The following S100A16 variants were observed in gnomAD, a reference collection of about 807,000 sequenced individuals.
S100A16 encodes the protein S100 calcium binding protein A16.
A neutral mutation model predicts 9.0 loss-of-function variants in S100A16; 8 were observed. The ratio of observed to expected loss-of-function variants is 0.89; its 90% confidence interval spans 0.52 to 1.60. The LOEUF (loss-of-function observed/expected upper bound fraction) is 1.60, where lower values mean the gene tolerates loss of function less well. Ranked by LOEUF, S100A16 falls within the 40% of genes most tolerant of loss-of-function variation. The pLI is 0.00. For synonymous variants in S100A16, 51 were observed against 51.4 expected (o/e 0.99, Z 0.04); for missense variants, 138 against 132.4 (o/e 1.04, Z -0.21).
intron 2 of S100A16, 63 bp downstream of exon 2, chr1:153,607,936 G>A (rs1180549209): frequency 4.5e-6 from 7 of 1,541,748 alleles, no homozygotes; most frequent in African/African-American, 4.1e-5. Context: ...ACCCTCAGAG[G>A]CCAGAGGCTT....
Position 153,607,516 on chromosome 1 carries a change from G to A in S100A16, c.*18C>T, listed in dbSNP as rs375239638. ...GGGGCATCAGGCCAGTGCCTGGAAG[G>A]TGTGGCCAAAGGGGTCTCTAGCTGC... On this transcript the variant is annotated 3_prime_UTR_variant, in exon 3 of 3. Transcript: ENST00000368706. 7.3e-5 allele frequency: 117 copies of A among 1,613,740 alleles called. No individual in the cohort carries two copies. Among genetic ancestry groups the A allele is most frequent in the Non-Finnish European group, 8.5e-6 (10 of 1,179,954 alleles).
chr1:153,607,968 G>T (rs1269064571), intron 2 of S100A16, 31 bp downstream of exon 2: 1 of 1,609,084 alleles, frequency 6.2e-7, no homozygotes, highest in Non-Finnish European at 8.5e-7. Context: ...AAGGGGAGAG[G>T]GAGGCAAGGC....
intron 2 of S100A16, 113 bp downstream of exon 2, chr1:153,607,886 C>A: frequency 8.0e-7 from 1 of 1,243,434 alleles, no homozygotes; most frequent in Non-Finnish European, 1.1e-6. Context: ...CTGGAGTTAG[C>A]GGGGACACTG....
chr1:153,606,905 T>G lies in S100A16; in HGVS notation c.*629A>C. 3 of 189,922 alleles carry G rather than the reference T, an allele frequency of 1.6e-5. No individual in the cohort carries two copies. Among genetic ancestry groups the G allele is most frequent in the Admixed American group, 1.1e-4 (2 of 18,408 alleles). The allele number at this position is 189,922 out of a possible 1,614,324, so 11.8% of individuals were successfully genotyped here. ...AAAACGTTTCCAAGGAGTGGGAAGG[T>G]TTTAATGAGCATCCCAGAGGGACCA... On this transcript the variant is annotated 3_prime_UTR_variant, in exon 3 of 3. Coordinates refer to ENST00000368706, the MANE Select transcript of S100A16 (RefSeq NM_080388.3).
chr1:153,611,152 C>A (rs1008983000), intron 1 of S100A16, among the ~76,000 whole-genome samples: 1 of 148,072 alleles, frequency 6.8e-6, no homozygotes, highest in Non-Finnish European at 1.5e-5. Flanking sequence ...ACCCCACCCA[C>A]CTCAGCCCAG....
chr1:153,607,460 T>TGAG lies in S100A16; in HGVS notation c.*71_*73dup. On this transcript the variant is annotated 3_prime_UTR_variant, in exon 3 of 3. Coordinates refer to ENST00000368706, the MANE Select transcript of S100A16 (RefSeq NM_080388.3). ...AAAGGGCCCTGGGTGGGCAGGAGGC[T>TGAG]GAGGAGGGAGCCTGGGGAGAGCACC... 1 of 1,579,762 alleles carries TGAG rather than the reference T, an allele frequency of 6.3e-7. No homozygotes were observed. The highest frequency in any genetic ancestry group is 8.7e-7 in the Non-Finnish European group (1 of 1,152,364).
chr1:153,608,011 G>T lies in S100A16; in HGVS notation c.141C>A (p.Asn47Lys), dbSNP rs1489006177. Residue 47 changes from asparagine to lysine, a missense_variant, in exon 2 of 3, where the codon AAC (asparagine) becomes AAA (lysine). Asn to Lys is a moderately conservative substitution (Grantham distance 94, BLOSUM62 0). Coordinates refer to ENST00000368706, the MANE Select transcript of S100A16 (RefSeq NM_080388.3). ...TGAGAGGCCTTACCGACAGCATGTG[G>T]TTCAGCTCTTTCTGGAGCATCTCGC... ...SFREMLQKEL[N>K]HMLSDTGNRK... 1 of 1,613,960 alleles carries T rather than the reference G, an allele frequency of 6.2e-7. No individual in the cohort carries two copies. Among genetic ancestry groups the T allele is most frequent in the South Asian group, 1.1e-5 (1 of 91,086 alleles).
chr1:153,609,282 C>A (rs904769757), intron 1 of S100A16: 22 of 985,834 alleles, frequency 2.2e-5, no homozygotes, highest in Non-Finnish European at 2.5e-5. Flanking sequence ...CTCGGTCAGG[C>A]CCCACCACAG....
Position 153,607,544 on chromosome 1 carries a change from C to T in S100A16, c.302G>A (p.Ser101Asn). ...TGGCCAAAGGGGTCTCTAGCTGCTG[C>T]TCTGCTGCTCCTGCTCATGGATGAG... ...AKLIHEQEQQ[S>N]SS Residue 101 changes from serine to asparagine, a missense_variant, in exon 3 of 3, where the codon AGC (serine) becomes AAC (asparagine). Ser to Asn is a conservative substitution (Grantham distance 46). Transcript: ENST00000368706. 2 of 1,614,200 alleles carry T rather than the reference C, an allele frequency of 1.2e-6. No homozygotes were observed. The highest frequency in any genetic ancestry group is 1.7e-6 in the Non-Finnish European group (2 of 1,180,024).
intron 1 of S100A16, among the ~76,000 whole-genome samples, chr1:153,610,812 AC>A (rs1486067395): frequency 1.4e-5 from 2 of 145,008 alleles, no homozygotes; most frequent in Non-Finnish European, 3.0e-5. Context: ...CACCCCACCC[AC>A]CCCACAAGCC....
rs761774279 is a variant in S100A16, at chr1:153,608,172, C to A, written c.-21G>T. ...GACATCTCCCTGCTTCGCCTGCTGG[C>A]GGGGCCTGGACACCAGGAGGAGGGG... On this transcript the variant is annotated 5_prime_UTR_variant, in exon 2 of 3. Coordinates refer to ENST00000368706, the MANE Select transcript of S100A16 (RefSeq NM_080388.3). The A allele has an allele frequency of 6.2e-7, 1 of 1,611,554 alleles. No homozygotes were observed. Among genetic ancestry groups the A allele is most frequent in the Non-Finnish European group, 8.5e-7 (1 of 1,179,650 alleles).
chr1:153,607,866 G>T, intron 2 of S100A16, 133 bp downstream of exon 2: 2 of 1,185,188 alleles, frequency 1.7e-6, no homozygotes, highest in Non-Finnish European at 2.4e-6. Context: ...GCCTGGGGGT[G>T]TAGAAGACCC....
In S100A16 at chr1:153,608,018, T is replaced by C. The variant is rs745462916; in HGVS notation, c.134A>G (p.Glu45Gly). 1.2e-6 allele frequency: 2 copies of C among 1,614,000 alleles called. No individual in the cohort carries two copies. The highest frequency in any genetic ancestry group is 2.2e-5 in the East Asian group (1 of 44,882). ...KSSFREMLQK[E>G]LNHMLSDTGN... ...CCTTACCGACAGCATGTGGTTCAGC[T>C]CTTTCTGGAGCATCTCGCGGAAGCT... is the stretch of plus-strand genomic sequence containing the variant. The change falls in exon 2 of 3, where the codon GAG (glutamate) becomes GGG (glycine). Residue 45 changes from glutamate to glycine, a missense_variant. Glu to Gly is a moderately conservative substitution (Grantham distance 98, BLOSUM62 -2). Transcript: ENST00000368706.
At chr1:153,612,707 G>A (rs1308131808) in intron 1 of S100A16, among the ~76,000 whole-genome samples, 2 of 152,042 alleles carry the variant, frequency 1.3e-5, no homozygotes, top group African/African-American at 2.4e-5. Context: ...CAGCTGCTGC[G>A]GCAGGGAGGG....
intron 1 of S100A16, among the ~76,000 whole-genome samples, chr1:153,610,019 T>G (rs1383807642): frequency 6.6e-6 from 1 of 152,154 alleles, no homozygotes; most frequent in Non-Finnish European, 1.5e-5. Context: ...CGCTTTTCCA[T>G]ATTCTTTTAT....
intron 1 of S100A16, among the ~76,000 whole-genome samples, chr1:153,612,084 T>C (rs930315189): frequency 1.1e-4 from 17 of 151,926 alleles, no homozygotes; most frequent in African/African-American, 3.4e-4. Flanking sequence ...AGGAGTTCAG[T>C]GTGGATCTTG....
intron 1 of S100A16, among the ~76,000 whole-genome samples, chr1:153,611,187 A>G (rs1020414281): frequency 9.1e-5 from 12 of 131,756 alleles, no homozygotes; most frequent in African/African-American, 3.5e-4. Context: ...CAAAAGCCCA[A>G]ATTGCCCTGA....
intron 1 of S100A16, among the ~76,000 whole-genome samples, chr1:153,612,289 G>C (rs1474090732): frequency 6.6e-6 from 1 of 152,156 alleles, no homozygotes; most frequent in Non-Finnish European, 1.5e-5. Context: ...CCTGGGTCCT[G>C]AGGTGGAGGA....
chr1:153,608,810 C>A, intron 1 of S100A16: 1 of 575,156 alleles, frequency 1.7e-6, no homozygotes, highest in Non-Finnish European at 2.2e-6. Flanking sequence ...CCCAACACAC[C>A]CCGCCACACC....
Sources: allele counts gnomAD v4.1 joint callset (sites outside exome capture counted in the v4.1 genomes callset), GRCh38; gene constraint gnomAD v4.1.1; transcripts MANE v1.5; gene names NCBI Gene and HGNC (gene_info 2026-07-23, HGNC 2026-07-21).